BUB1B: variants seen among roughly 807,000 people sequenced by gnomAD.
The protein encoded by BUB1B is mitotic checkpoint serine/threonine-protein kinase BUB1 beta.
Under a neutral mutation model 137.7 loss-of-function variants are expected in BUB1B, and 86 were observed. The observed-to-expected ratio is 0.62, with a 90% CI of 0.52 to 0.75. The LOEUF is 0.75. Ranked by LOEUF, BUB1B falls within the 30% of genes least tolerant of loss-of-function variation. The pLI, the probability that BUB1B is intolerant of heterozygous loss-of-function variation, is 0.00. For missense variants in BUB1B, 1,130 were observed against 1,236.9 expected, an observed-to-expected ratio of 0.91 and a Z score of 1.30; for synonymous variants, 420 against 417.9, an observed-to-expected ratio of 1.00 and a Z score of -0.06.
chr15:40,185,708 C>G, intron 8 of BUB1B, 66 bp downstream of exon 8: 1 of 1,445,686 alleles, frequency 6.9e-7, no homozygotes, highest in Non-Finnish European at 9.7e-7. Flanking sequence ...ACCTATTCTA[C>G]TTCCCAAAGG....
At chr15:40,219,388 G>C (rs2037855084) in intron 22 of BUB1B, among the ~76,000 whole-genome samples, 1 of 152,080 alleles carries the variant, frequency 6.6e-6, no homozygotes, top group Non-Finnish European at 1.5e-5. Flanking sequence ...AGCACTGCTT[G>C]GTCTCAGAAC....
intron 22 of BUB1B, 75 bp from the exon 23 acceptor site, chr15:40,220,489 C>G: frequency 1.3e-6 from 2 of 1,484,660 alleles, no homozygotes; most frequent in Non-Finnish European, 1.9e-6. Flanking sequence ...CATAAATGTA[C>G]CACTGAGTTA....
intron 8 of BUB1B, among the ~76,000 whole-genome samples, chr15:40,195,596 C>G (rs546928416): frequency 4.3e-4 from 66 of 152,280 alleles, no homozygotes; most frequent in African/African-American, 1.4e-3. Context: ...TACATTCCCC[C>G]CAACAGTGTA....
At chr15:40,170,981 G>C (rs1275457209) in intron 4 of BUB1B, among the ~76,000 whole-genome samples, 1 of 152,146 alleles carries the variant, frequency 6.6e-6, no homozygotes, top group African/African-American at 2.4e-5. Flanking sequence ...TGTCACCCAG[G>C]CTGGAGTGCA....
intron 8 of BUB1B, among the ~76,000 whole-genome samples, chr15:40,187,766 A>G (rs1342864678): frequency 2.0e-5 from 3 of 151,810 alleles, no homozygotes; most frequent in Non-Finnish European, 4.4e-5. Context: ...AAAATTAGCC[A>G]AGTGCAGTGG....
chr15:40,212,396 T>C, intron 18 of BUB1B, 103 bp from the exon 19 acceptor site: 1 of 889,908 alleles, frequency 1.1e-6, no homozygotes. Flanking sequence ...AAAATATCTC[T>C]TTATTATTTC....
intron 1 of BUB1B, among the ~76,000 whole-genome samples, chr15:40,163,056 C>T (rs907218983): frequency 1.3e-5 from 2 of 152,058 alleles, no homozygotes; most frequent in Non-Finnish European, 2.9e-5. Flanking sequence ...CTTAGGTACT[C>T]CAGTTTCCTT....
intron 20 of BUB1B, among the ~76,000 whole-genome samples, chr15:40,215,631 T>G (rs919277917): frequency 9.9e-5 from 15 of 151,886 alleles, no homozygotes; most frequent in Admixed American, 2.0e-4. Flanking sequence ...TAGCCAGCCG[T>G]GGTGGCAGGT....
At chr15:40,202,275 C>G (rs550990951) in intron 12 of BUB1B, 130 bp from the exon 13 acceptor site, 6 of 757,888 alleles carry the variant, frequency 7.9e-6, no homozygotes, top group Admixed American at 2.6e-5. Flanking sequence ...ATGTTTGAAG[C>G]TTTTTGTTAT....
At chr15:40,171,879 T>A (rs1322482031) in intron 4 of BUB1B, among the ~76,000 whole-genome samples, 3 of 152,142 alleles carry the variant, frequency 2.0e-5, no homozygotes, top group African/African-American at 7.2e-5. Context: ...ATTAAAAAAA[T>A]GACCACCGTT....
At chr15:40,210,270 CTG>C (rs2037694692) in intron 18 of BUB1B, 60 bp downstream of exon 18, 12 of 1,244,978 alleles carry the variant, frequency 9.6e-6, no homozygotes, top group Non-Finnish European at 1.4e-5. Context: ...GGAGCAATAA[CTG>C]TCCTCATGTT....
intron 1 of BUB1B, among the ~76,000 whole-genome samples, chr15:40,162,908 TAC>T (rs1267579292): frequency 1.3e-5 from 2 of 152,166 alleles, no homozygotes; most frequent in African/African-American, 4.8e-5. Flanking sequence ...CCCTTACCTT[TAC>T]AGAGTTCACA....
intron 12 of BUB1B, among the ~76,000 whole-genome samples, chr15:40,201,792 G>A (rs1462253442): frequency 2.0e-5 from 3 of 151,886 alleles, no homozygotes; most frequent in South Asian, 2.1e-4. Flanking sequence ...TCAGCCTCCC[G>A]ACTAGCTGGG....
intron 4 of BUB1B, among the ~76,000 whole-genome samples, chr15:40,172,174 AAATT>A (rs918203045): frequency 5.3e-5 from 8 of 150,744 alleles, no homozygotes; most frequent in Non-Finnish European, 1.0e-4. Context: ...AGTAAGAAAT[AAATT>A]TCTTACTAAA....
At chr15:40,202,305 C>T in intron 12 of BUB1B, 100 bp from the exon 13 acceptor site, 1 of 1,066,952 alleles carries the variant, frequency 9.4e-7, no homozygotes, top group Non-Finnish European at 1.4e-6. Context: ...AGGTTGCCTT[C>T]CTGCTTTCAA....
chr15:40,211,830 T>TG (rs2037716221), intron 18 of BUB1B, among the ~76,000 whole-genome samples: 2 of 151,560 alleles, frequency 1.3e-5, no homozygotes, highest in South Asian at 4.2e-4. Context: ...TTTTGTTTTT[T>TG]TTTTTCTTCG....
At position 40,170,439 on chromosome 15, in the gene BUB1B, ATACTT is replaced by A. The variant is rs1289956170; in HGVS notation, c.240-92_240-88del. On this transcript the variant is annotated intron_variant, in intron 3 of 22. Coordinates refer to ENST00000287598, the MANE Select transcript of BUB1B (RefSeq NM_001211.6). ...TGTCATTGAGGACCTCAAAAGAAAC[ATACTT>A]TACTTCTGCTAAAATCCAGAATGGG... is the stretch of plus-strand genomic sequence containing the variant. The A allele has an allele frequency of 6.4e-6, 9 of 1,416,256 alleles. No homozygotes were observed. The Admixed American group carries it at 1.3e-4, about 20-fold the overall frequency. The allele number at this position is 1,416,256 out of a possible 1,614,324, so 87.7% of individuals were successfully genotyped here.
chr15:40,195,181 TG>T (rs2037483384), intron 8 of BUB1B, among the ~76,000 whole-genome samples: 1 of 152,090 alleles, frequency 6.6e-6, no homozygotes, highest in Non-Finnish European at 1.5e-5. Flanking sequence ...ATCATTTTTA[TG>T]GCTTTGTGTC....
At chr15:40,209,908 G>A (rs1327105970) in intron 17 of BUB1B, 133 bp downstream of exon 17, 2 of 1,148,928 alleles carry the variant, frequency 1.7e-6, no homozygotes, top group Non-Finnish European at 2.6e-6. Context: ...TATAGAGGAT[G>A]ACACATCAGT....
Sources: allele counts gnomAD v4.1 joint callset (sites outside exome capture counted in the v4.1 genomes callset), GRCh38; gene constraint gnomAD v4.1.1; transcripts MANE v1.5; gene names NCBI Gene and HGNC (gene_info 2026-07-23, HGNC 2026-07-21).